AFF3: variants seen among roughly 807,000 people sequenced by gnomAD.
AFF3 encodes the protein ALF transcription elongation factor 3, also known as AF4/FMR2 family member 3.
A neutral mutation model predicts 129.7 loss-of-function variants in AFF3; 32 were observed. The ratio of observed to expected loss-of-function variants is 0.25; its 90% CI spans 0.19 to 0.33. AFF3 has a LOEUF of 0.33. Ranked by LOEUF, AFF3 falls within the 10% of genes least tolerant of loss-of-function variation. The pLI, the probability that AFF3 is intolerant of heterozygous loss-of-function variation, is 1.00. For missense variants in AFF3, 1,373 were observed against 1,592.0 expected, an observed-to-expected ratio of 0.86 and a Z score of 2.34; for synonymous variants, 644 against 635.4, an observed-to-expected ratio of 1.01 and a Z score of -0.20.
intron 7 of AFF3, among the ~76,000 whole-genome samples, chr2:100,003,113 G>C (rs1161198863): frequency 1.3e-5 from 2 of 150,534 alleles, no homozygotes; most frequent in Non-Finnish European, 3.0e-5. Context: ...GGGGGTCGGG[G>C]GGGTGGGGGT....
chr2:100,050,301 T>A (rs769990970), intron 4 of AFF3, among the ~76,000 whole-genome samples: 4 of 152,162 alleles, frequency 2.6e-5, no homozygotes, highest in African/African-American at 4.8e-5. Flanking sequence ...CATTGTCACA[T>A]AAACATTCTT....
At chr2:99,644,748 G>A (rs193279779) in intron 13 of AFF3, among the ~76,000 whole-genome samples, 2 of 152,314 alleles carry the variant, frequency 1.3e-5, no homozygotes, top group East Asian at 1.9e-4. Flanking sequence ...GAAGTTAATC[G>A]TATTCAAGGC....
chr2:99,676,085 A>G (rs2104501385), intron 11 of AFF3, among the ~76,000 whole-genome samples: 1 of 151,694 alleles, frequency 6.6e-6, no homozygotes, highest in African/African-American at 2.4e-5. Flanking sequence ...GCATGGAAGC[A>G]CAGGGCCTGT....
intron 4 of AFF3, among the ~76,000 whole-genome samples, chr2:100,024,753 T>C: frequency 6.6e-6 from 1 of 152,118 alleles, no homozygotes; most frequent in East Asian, 1.9e-4. Flanking sequence ...GGAGTGGATT[T>C]AAATGTATAG....
intron 22 of AFF3, among the ~76,000 whole-genome samples, chr2:99,558,033 A>G (rs1675111753): frequency 6.6e-6 from 1 of 152,230 alleles, no homozygotes; most frequent in African/African-American, 2.4e-5. Context: ...AGTGAAAATA[A>G]TTTCATTCCC....
rs184464658 is a variant in AFF3 at position 99,648,966 on chromosome 2, C to T, written c.1184+660G>A. ...ATCTTAGTAAGTGAAAAAACAAAAA[C>T]CAAAACCAACCAAACCAAACCAAGG... On this transcript the variant is annotated intron_variant, in intron 13 of 24. Coordinates refer to ENST00000672756, the MANE Select transcript of AFF3 (RefSeq NM_001386135.1). Among the ~76,000 whole-genome samples the T allele has an allele frequency of 1.1e-3, 150 of 138,496 alleles. 1 individual carries two copies. The highest frequency in any genetic ancestry group is 1.7e-4 in the Non-Finnish European group (11 of 64,074). 90.9% of individuals were successfully genotyped at this position (138,496 alleles called of 152,430 possible).
intron 13 of AFF3, among the ~76,000 whole-genome samples, chr2:99,637,412 T>C (rs1480162311): frequency 6.6e-6 from 1 of 152,252 alleles, no homozygotes; most frequent in Non-Finnish European, 1.5e-5. Flanking sequence ...ATACGGGCAC[T>C]GAAATGCATC....
At chr2:99,556,364 C>T (rs1242885236) in intron 22 of AFF3, among the ~76,000 whole-genome samples, 1 of 152,070 alleles carries the variant, frequency 6.6e-6, no homozygotes, top group African/African-American at 2.4e-5. Flanking sequence ...ATCGCTTGAA[C>T]CTGGGAGGTG....
intron 12 of AFF3, among the ~76,000 whole-genome samples, chr2:99,652,820 A>C (rs1281422659): frequency 1.3e-5 from 2 of 152,192 alleles, no homozygotes; most frequent in Non-Finnish European, 2.9e-5. Flanking sequence ...CTAGATTCTG[A>C]ATGAAGACCC....
At chr2:99,695,584 C>T (rs1436762760) in intron 11 of AFF3, among the ~76,000 whole-genome samples, 8 of 152,172 alleles carry the variant, frequency 5.3e-5, no homozygotes, top group Non-Finnish European at 8.8e-5. Flanking sequence ...CCCACAGCCA[C>T]CACAGTCAGG....
At chr2:99,850,565 G>A (rs1246350401) in intron 7 of AFF3, among the ~76,000 whole-genome samples, 2 of 152,168 alleles carry the variant, frequency 1.3e-5, no homozygotes, top group African/African-American at 4.8e-5. Context: ...AATCTACAAA[G>A]AAAGTAAGCA....
intron 4 of AFF3, among the ~76,000 whole-genome samples, chr2:100,014,394 A>T (rs1278842662): frequency 6.6e-6 from 1 of 152,188 alleles, no homozygotes; most frequent in African/African-American, 2.4e-5. Flanking sequence ...CTTTTCAAAT[A>T]ACAAAAACAC....
chr2:99,944,955 G>A (rs775700344), intron 7 of AFF3, among the ~76,000 whole-genome samples: 13 of 152,186 alleles, frequency 8.5e-5, no homozygotes, highest in Non-Finnish European at 1.3e-4. Context: ...AGGACTTCAC[G>A]TGAGTCTTTG....
intron 2 of AFF3, among the ~76,000 whole-genome samples, chr2:100,108,273 A>T (rs1478594839): frequency 6.6e-6 from 1 of 152,154 alleles, no homozygotes; most frequent in Non-Finnish European, 1.5e-5. Flanking sequence ...AGATCCACCC[A>T]GGAGTTCTTG....
intron 17 of AFF3, among the ~76,000 whole-genome samples, chr2:99,582,551 G>A (rs573719621): frequency 6.6e-6 from 1 of 152,314 alleles, no homozygotes; most frequent in Admixed American, 6.5e-5. Flanking sequence ...TTTCTTTTCA[G>A]AAGGAAAAAT....
chr2:99,618,011 C>A (rs1427521295), intron 13 of AFF3, among the ~76,000 whole-genome samples: 1 of 152,094 alleles, frequency 6.6e-6, no homozygotes, highest in Non-Finnish European at 1.5e-5. Flanking sequence ...CATTTGGACA[C>A]ATCAGGTCAT....
At chr2:99,880,544 G>A (rs1692634400) in intron 7 of AFF3, among the ~76,000 whole-genome samples, 1 of 152,182 alleles carries the variant, frequency 6.6e-6, no homozygotes, top group African/African-American at 2.4e-5. Context: ...CTGGCGCTAT[G>A]GGCTATGCCA....
At chr2:99,775,163 G>T (rs1386184301) in intron 8 of AFF3, among the ~76,000 whole-genome samples, 1 of 152,130 alleles carries the variant, frequency 6.6e-6, no homozygotes. Flanking sequence ...CAACCATCGT[G>T]GAAGACAGTG....
At chr2:99,709,155 T>C (rs1677675471) in intron 11 of AFF3, among the ~76,000 whole-genome samples, 1 of 152,160 alleles carries the variant, frequency 6.6e-6, no homozygotes, top group Non-Finnish European at 1.5e-5. Flanking sequence ...CTCAGGAGGC[T>C]GAGCAGGGAG....
Sources: gnomAD v4.1 joint callset for allele counts (sites outside exome capture counted in the v4.1 genomes callset) on GRCh38, gnomAD v4.1.1 for gene constraint, MANE v1.5 for transcripts, NCBI Gene and HGNC (gene_info 2026-07-23, HGNC 2026-07-21) for gene names.